MICU2: variants seen among roughly 807,000 people sequenced by gnomAD.
The protein encoded by MICU2 is mitochondrial calcium uptake 2, also known as calcium uptake protein 2, mitochondrial.
A neutral mutation model predicts 60.4 loss-of-function variants in MICU2; 64 were observed. The observed-to-expected ratio is 1.06, with a 90% confidence interval of 0.87 to 1.31. The LOEUF (loss-of-function observed/expected upper bound fraction) is 1.31. Ranked by LOEUF, MICU2 falls within the 50% of genes most tolerant of loss-of-function variation. The probability of loss-of-function intolerance (pLI) is 0.00; values close to 1 mark genes in which losing one functional copy is unlikely to be tolerated. For missense variants in MICU2, 569 were observed against 531.0 expected, an observed-to-expected ratio of 1.07 and a Z score of -0.70; for synonymous variants, 201 against 175.0, an observed-to-expected ratio of 1.15 and a Z score of -1.17.
intron 8 of MICU2, among the ~76,000 whole-genome samples, chr13:21,509,316 G>C (rs1886369606): frequency 6.6e-6 from 1 of 152,146 alleles, no homozygotes; most frequent in Non-Finnish European, 1.5e-5. Context: ...GGTTAAATAA[G>C]TACTTAAAAT....
intron 2 of MICU2, among the ~76,000 whole-genome samples, chr13:21,564,112 G>A (rs1222373830): frequency 6.6e-6 from 1 of 152,166 alleles, no homozygotes; most frequent in African/African-American, 2.4e-5. Context: ...GCATATTAAT[G>A]TTATTTTAAA....
chr13:21,498,735 C>T (rs1484542182), intron 9 of MICU2, among the ~76,000 whole-genome samples: 1 of 151,356 alleles, frequency 6.6e-6, no homozygotes, highest in African/African-American at 2.4e-5. Context: ...TTGTTTTACA[C>T]AATGGGAACA....
At chr13:21,555,742 T>TC (rs140965721) in intron 2 of MICU2, among the ~76,000 whole-genome samples, 25,639 of 151,610 alleles carry the variant, frequency 0.17, 2,893 homozygotes, top group Non-Finnish European at 0.26. Flanking sequence ...CTCAATACCT[T>TC]CCCCCCCTCT....
At chr13:21,569,214 T>C (rs1314716725) in intron 1 of MICU2, among the ~76,000 whole-genome samples, 1 of 152,166 alleles carries the variant, frequency 6.6e-6, no homozygotes, top group East Asian at 1.9e-4. Flanking sequence ...TACCAGTACA[T>C]GGTGAGGTAT....
chr13:21,586,223 C>T (rs1172206994), intron 1 of MICU2, among the ~76,000 whole-genome samples: 2 of 152,170 alleles, frequency 1.3e-5, no homozygotes, highest in Non-Finnish European at 2.9e-5. Flanking sequence ...GATTACAGAT[C>T]CCTGAATCTA....
chr13:21,589,932 T>C (rs1888544557), intron 1 of MICU2, among the ~76,000 whole-genome samples: 1 of 152,212 alleles, frequency 6.6e-6, no homozygotes, highest in African/African-American at 2.4e-5. Flanking sequence ...CGCTCACCAT[T>C]GTTCCGTCTG....
At chr13:21,538,193 T>G (rs1055734699) in intron 4 of MICU2, among the ~76,000 whole-genome samples, 1 of 152,128 alleles carries the variant, frequency 6.6e-6, no homozygotes, top group African/African-American at 2.4e-5. Flanking sequence ...GCTCTGCAAC[T>G]TGGCTTTAGA....
At chr13:21,603,731 G>T in intron 1 of MICU2, 1 of 586,462 alleles carries the variant, frequency 1.7e-6, no homozygotes, top group Non-Finnish European at 3.0e-6. Context: ...AGAATCTCCG[G>T]TCACCAGCCT....
chr13:21,571,237 A>G lies in MICU2; in HGVS notation c.211-4293T>C, dbSNP rs138890854. ...AGGCTTGGTAAACTGAGCTAAGGCA[A>G]AGAAAACGGCTTGTAGACTTAAGTA... On this transcript the variant is annotated intron_variant, in intron 1 of 11. Transcript: ENST00000382374. 7.2e-5 allele frequency among the ~76,000 whole-genome samples: 11 copies of G among 152,262 alleles called. No individual in the cohort carries two copies. In the East Asian group the frequency reaches 2.1e-3, roughly 29 times the overall value.
chr13:21,514,422 A>G lies in MICU2; in HGVS notation c.598-4T>C. 6.2e-7 allele frequency: 1 copy of G among 1,611,996 alleles called. No homozygotes were observed. The highest frequency in any genetic ancestry group is 8.5e-7 in the Non-Finnish European group (1 of 1,178,946). ...GTTTACTTATGATCTTCTGCAGCTA[A>G]AAAGATTACAAACATGAGTTTACAT... On this transcript the variant is annotated splice_polypyrimidine_tract_variant and splice_region_variant and intron_variant, in intron 6 of 11. Transcript: ENST00000382374.
chr13:21,575,757 G>C (rs1490967030), intron 1 of MICU2, among the ~76,000 whole-genome samples: 5 of 105,690 alleles, frequency 4.7e-5, no homozygotes, highest in African/African-American at 1.8e-4. Context: ...AAAAAAAAAA[G>C]GCTAGAGCCT....
At chr13:21,596,252 G>C (rs1888688862) in intron 1 of MICU2, among the ~76,000 whole-genome samples, 1 of 152,052 alleles carries the variant, frequency 6.6e-6, no homozygotes, top group Admixed American at 6.6e-5. Flanking sequence ...GCTGAAAGAA[G>C]GGGAGATCTT....
At chr13:21,542,950 C>T (rs1208529752) in intron 2 of MICU2, among the ~76,000 whole-genome samples, 1 of 152,174 alleles carries the variant, frequency 6.6e-6, no homozygotes, top group Non-Finnish European at 1.5e-5. Context: ...AAAAACAACA[C>T]CAGCACTACA....
chr13:21,525,862 C>G (rs1404277279), intron 4 of MICU2, among the ~76,000 whole-genome samples: 7 of 151,524 alleles, frequency 4.6e-5, no homozygotes, highest in African/African-American at 1.7e-4. Context: ...CTTTTCTTCA[C>G]TCTCTTGACA....
intron 1 of MICU2, among the ~76,000 whole-genome samples, chr13:21,594,400 G>A (rs1468120356): frequency 2.6e-5 from 4 of 152,272 alleles, no homozygotes; most frequent in Admixed American, 6.5e-5. Context: ...GCAAGGCTAT[G>A]GAGAAATAGG....
At chr13:21,587,237 A>ACG (rs1888479435) in intron 1 of MICU2, among the ~76,000 whole-genome samples, 1 of 152,230 alleles carries the variant, frequency 6.6e-6, no homozygotes, top group East Asian at 1.9e-4. Context: ...ATGAGTCCGT[A>ACG]GATATAAATG....
chr13:21,498,521 G>A (rs1052856441), intron 9 of MICU2, among the ~76,000 whole-genome samples: 1 of 152,024 alleles, frequency 6.6e-6, no homozygotes, highest in African/African-American at 2.4e-5. Flanking sequence ...TAGGACTGCA[G>A]GCACCCACCA....
At position 21,532,307 on chromosome 13, in the gene MICU2, A is replaced by T. The variant is rs552290458; in HGVS notation, c.466+6995T>A. ...CATTTGCTATCTTCATACCAAGAAA[A>T]TAAAATGTTTGCTTACTGCTCTTTG... On this transcript the variant is annotated intron_variant, in intron 4 of 11. Transcript: ENST00000382374. 5.9e-5 allele frequency among the ~76,000 whole-genome samples: 9 copies of T among 152,340 alleles called. No homozygotes were observed. In the South Asian group the frequency reaches 1.7e-3, roughly 28 times the overall value.
At chr13:21,558,282 A>C (rs897276552) in intron 2 of MICU2, among the ~76,000 whole-genome samples, 1 of 152,112 alleles carries the variant, frequency 6.6e-6, no homozygotes, top group African/African-American at 2.4e-5. Context: ...GCAGCACTCT[A>C]GTTTCCGTTT....
Sources: gnomAD v4.1 joint callset for allele counts (sites outside exome capture counted in the v4.1 genomes callset) on GRCh38, gnomAD v4.1.1 for gene constraint, MANE v1.5 for transcripts, NCBI Gene and HGNC (gene_info 2026-07-23, HGNC 2026-07-21) for gene names.